Variants in LRP11 observed in about 807,000 individuals in gnomAD.
LRP11 encodes the protein low-density lipoprotein receptor-related protein 11.
LRP11 carries 25 observed loss-of-function variants against 43.1 expected under a neutral mutation model. That is an observed-to-expected ratio of 0.58 (90% confidence interval 0.42 to 0.81). LRP11 has a LOEUF of 0.81. Ranked by LOEUF, LRP11 falls within the 30% of genes least tolerant of loss-of-function variation. The pLI is 0.00. For missense variants in LRP11, 623 were observed against 665.1 expected (o/e 0.94, Z 0.70); for synonymous variants, 316 against 299.4 (o/e 1.06, Z -0.57).
At chr6:149,841,570 C>T (rs1003494148) in intron 3 of LRP11, among the ~76,000 whole-genome samples, 1 of 152,152 alleles carries the variant, frequency 6.6e-6, no homozygotes, top group Non-Finnish European at 1.5e-5. Context: ...TCGCTAAGTT[C>T]CATGCAATGG....
In LRP11 at chr6:149,864,212, G is replaced by A; in HGVS notation, c.-192C>T. 9.0e-7 allele frequency: 1 copy of A among 1,113,144 alleles called. No homozygotes were observed. Among genetic ancestry groups the A allele is most frequent in the Non-Finnish European group, 1.1e-6 (1 of 913,538 alleles). The allele number at this position is 1,113,144 out of a possible 1,614,324, so 69.0% of individuals were successfully genotyped here. ...GGGCGCCGGCGGGAACCGCAGTAGC[G>A]GGAGACATAGCCGGCCCAGCCGGGC... On this transcript the variant is annotated 5_prime_UTR_variant, in exon 1 of 7. Coordinates refer to ENST00000239367, the MANE Select transcript of LRP11 (RefSeq NM_032832.6).
intron 1 of LRP11, among the ~76,000 whole-genome samples, chr6:149,859,979 T>C (rs1308614416): frequency 6.6e-6 from 1 of 152,194 alleles, no homozygotes; most frequent in East Asian, 1.9e-4. Context: ...AAATGTACTT[T>C]CCCTGACACT....
At chr6:149,845,773 C>T (rs998597250) in intron 2 of LRP11, among the ~76,000 whole-genome samples, 1 of 62,092 alleles carries the variant, frequency 1.6e-5, no homozygotes, top group Admixed American at 2.4e-4. Context: ...TCTTATCTGT[C>T]GGATAAGACC....
chr6:149,830,335 A>G (rs1440339646), intron 5 of LRP11, among the ~76,000 whole-genome samples: 1 of 152,136 alleles, frequency 6.6e-6, no homozygotes, highest in East Asian at 1.9e-4. Context: ...CTTACAGGTA[A>G]GGAAATGAAG....
chr6:149,848,542 T>C (rs1776673301), intron 2 of LRP11, among the ~76,000 whole-genome samples: 1 of 152,206 alleles, frequency 6.6e-6, no homozygotes, highest in Non-Finnish European at 1.5e-5. Context: ...TGGAATACTA[T>C]GCAGCCATAC....
At chr6:149,856,153 T>C (rs1382167017) in intron 1 of LRP11, among the ~76,000 whole-genome samples, 10 of 152,240 alleles carry the variant, frequency 6.6e-5, no homozygotes, top group Non-Finnish European at 2.9e-5. Context: ...TGAAAATATG[T>C]CTATGTGATA....
chr6:149,851,623 C>T (rs1776720678), intron 2 of LRP11, among the ~76,000 whole-genome samples: 1 of 152,186 alleles, frequency 6.6e-6, no homozygotes, highest in African/African-American at 2.4e-5. Context: ...GAGGCGTAGC[C>T]TGCTTGCCCA....
At chr6:149,854,764 G>A (rs141720644) in intron 1 of LRP11, among the ~76,000 whole-genome samples, 28 of 152,246 alleles carry the variant, frequency 1.8e-4, no homozygotes, top group African/African-American at 6.3e-4. Flanking sequence ...GCAAGGCACC[G>A]CCTCTCCTCC....
chr6:149,849,806 GTACAGTAC>G (rs1212796178), intron 2 of LRP11, among the ~76,000 whole-genome samples: 6 of 152,172 alleles, frequency 3.9e-5, no homozygotes, highest in African/African-American at 1.4e-4. Context: ...TTAGTGCCTA[GTACAGTAC>G]TGGACACATA....
At chr6:149,861,569 A>C (rs1014220332) in intron 1 of LRP11, among the ~76,000 whole-genome samples, 1 of 152,180 alleles carries the variant, frequency 6.6e-6, no homozygotes, top group Non-Finnish European at 1.5e-5. Context: ...GCTGGAGTGC[A>C]GTGGCGCAAT....
At chr6:149,859,529 A>G (rs1776859768) in intron 1 of LRP11, among the ~76,000 whole-genome samples, 1 of 150,382 alleles carries the variant, frequency 6.6e-6, no homozygotes, top group African/African-American at 2.5e-5. Flanking sequence ...CCCAGTAGCT[A>G]GGACTACAGG....
intron 1 of LRP11, among the ~76,000 whole-genome samples, chr6:149,860,960 G>A (rs948963334): frequency 1.1e-4 from 16 of 152,120 alleles, no homozygotes; most frequent in African/African-American, 3.6e-4. Flanking sequence ...GAGTTCATGC[G>A]TGCAAAGGGC....
rs976620904 is a variant in LRP11 at position 149,819,320 on chromosome 6, G to C, written c.*1229C>G. The C allele has an allele frequency of 6.6e-6, 1 of 151,966 alleles. No individual in the cohort carries two copies. The highest frequency in any genetic ancestry group is 1.5e-5 in the Non-Finnish European group (1 of 68,012). 9.4% of individuals were successfully genotyped at this position (151,966 alleles called of 1,614,324 possible). A position where few individuals can be genotyped will look rare whatever the true frequency, so the allele number is the denominator to read the frequency against. On this transcript the variant is annotated 3_prime_UTR_variant, in exon 7 of 7. Coordinates refer to ENST00000239367, the MANE Select transcript of LRP11 (RefSeq NM_032832.6). ...TTTGCCACTTATGGTTAAAAAAAAC[G>C]TGAATAAGAATATCATGTGAGTGTA...
At chr6:149,844,430 C>T (rs1001119640) in intron 2 of LRP11, among the ~76,000 whole-genome samples, 3 of 152,152 alleles carry the variant, frequency 2.0e-5, no homozygotes, top group Non-Finnish European at 4.4e-5. Flanking sequence ...ACCCAGGGCT[C>T]CATGCTTGCC....
intron 1 of LRP11, among the ~76,000 whole-genome samples, chr6:149,859,115 G>A (rs1776846508): frequency 6.6e-6 from 1 of 151,770 alleles, no homozygotes; most frequent in South Asian, 2.1e-4. Flanking sequence ...AATGGTCTCT[G>A]CCACATATTT....
chr6:149,846,358 G>C (rs991735797), intron 2 of LRP11, among the ~76,000 whole-genome samples: 20 of 152,176 alleles, frequency 1.3e-4, no homozygotes, highest in African/African-American at 4.3e-4. Flanking sequence ...GCAAATGACA[G>C]GCATGCTGGA....
In LRP11 at chr6:149,826,248, C is replaced by T. The variant is rs147633318; in HGVS notation, c.1348+16G>A. On this transcript the variant is annotated intron_variant, in intron 6 of 6. Coordinates refer to ENST00000239367, the MANE Select transcript of LRP11 (RefSeq NM_032832.6). The stretch of plus-strand genomic sequence containing the variant: ...AAGACTACAGTCTGCAAAGGGTTTC[C>T]AAGGTGGACATTTACCTGTTTCTGG... 22 of 1,596,004 alleles carry T rather than the reference C, an allele frequency of 1.4e-5. No homozygotes were observed. Among genetic ancestry groups the T allele is most frequent in the Admixed American group, 1.7e-5 (1 of 59,988 alleles).
intron 5 of LRP11, among the ~76,000 whole-genome samples, chr6:149,830,437 C>CTA (rs773953112): frequency 1.3e-5 from 2 of 152,210 alleles, no homozygotes; most frequent in Non-Finnish European, 2.9e-5. Context: ...TTGAACCATA[C>CTA]TGCTCTCAAG....
chr6:149,836,865 A>C (rs1469160332), intron 4 of LRP11, among the ~76,000 whole-genome samples: 1 of 152,048 alleles, frequency 6.6e-6, no homozygotes, highest in East Asian at 1.9e-4. Flanking sequence ...CTAAACGTAA[A>C]CTTAAGGTTT....
Sources: allele counts gnomAD v4.1 joint callset (sites outside exome capture counted in the v4.1 genomes callset), GRCh38; gene constraint gnomAD v4.1.1; transcripts MANE v1.5; gene names NCBI Gene and HGNC (gene_info 2026-07-23, HGNC 2026-07-21).